The following IGLL5 variants were observed in gnomAD, a reference collection of about 807,000 sequenced individuals.
The protein encoded by IGLL5 is immunoglobulin lambda like polypeptide 5.
A neutral mutation model predicts 20.9 loss-of-function variants in IGLL5; 30 were observed. The observed-to-expected ratio is 1.44, with a 90% confidence interval of 1.07 to 1.95. IGLL5 has a LOEUF of 1.95. Among genes scored for constraint, IGLL5 ranks in the 30% most tolerant of loss-of-function variants. IGLL5 has a pLI of 0.00. For synonymous variants in IGLL5, 203 were observed against 117.3 expected (o/e 1.73, Z -4.72); for missense variants, 475 against 270.7 (o/e 1.75, Z -5.30).
chr22:22,894,755 T>C (rs2066693631), intron 2 of IGLL5, among the ~76,000 whole-genome samples: 1 of 151,202 alleles, frequency 6.6e-6, no homozygotes, highest in Middle Eastern at 3.8e-3. Flanking sequence ...GTGGTCGGGC[T>C]TGTGGAGACA....
At position 22,892,438 on chromosome 22, in the gene IGLL5, T is replaced by G. The variant is rs2067878244; in HGVS notation, c.207-1262T>G. On this transcript the variant is annotated intron_variant, in intron 1 of 2. Transcript: ENST00000526893. ...CATCATAAACTCTTAGAGTGTGACC[T>G]GGGTGTTTTTCTTTTTCTCTGTAGG... is the stretch of plus-strand genomic sequence containing the variant. Among the ~76,000 whole-genome samples, 3 of 151,004 alleles carry G rather than the reference T, an allele frequency of 2.0e-5. No individual in the cohort carries two copies. The South Asian group carries it at 6.3e-4, about 32-fold the overall frequency.
Position 22,888,178 on chromosome 22 carries a change from TG to T in IGLL5, c.127del (p.Val43LeufsTer66). The T allele has an allele frequency of 1.3e-6, 2 of 1,548,816 alleles. No individual in the cohort carries two copies. Among genetic ancestry groups the T allele is most frequent in the South Asian group, 2.4e-5 (2 of 83,940 alleles). ...AMVAHGLLRP[M>X]VAPQSGDPDP... The stretch of plus-strand genomic sequence containing the variant: ...GTCGCCCATGGCCTGCTGCGCCCAA[TG>T]GTTGCACCGCAAAGCGGGGACCCAG... On this transcript the variant is annotated frameshift_variant, in exon 1 of 3. Transcript: ENST00000526893. LOFTEE classifies it high-confidence loss of function.
At position 22,893,822 on chromosome 22, in the gene IGLL5, A is replaced by T. The variant is rs751227003; in HGVS notation, c.325+4A>T. On this transcript the variant is annotated splice_donor_region_variant and intron_variant, in intron 2 of 2. Transcript: ENST00000526893. ...GGGACCAAGGTCACCGTCCTAGGTA[A>T]GTGGCTCTCAACCTTTCCCAGCCTG... is the stretch of plus-strand genomic sequence containing the variant. 2 of 1,585,654 alleles carry T rather than the reference A, an allele frequency of 1.3e-6. No homozygotes were observed. The highest frequency in any genetic ancestry group is 8.7e-7 in the Non-Finnish European group (1 of 1,154,982).
intron 1 of IGLL5, among the ~76,000 whole-genome samples, chr22:22,890,625 T>A (rs2146009610): frequency 6.7e-6 from 1 of 149,578 alleles, no homozygotes; most frequent in African/African-American, 2.5e-5. Context: ...CACTTATATA[T>A]CTCCCCAGGA....
intron 1 of IGLL5, among the ~76,000 whole-genome samples, chr22:22,890,346 G>T (rs2067793209): frequency 1.4e-5 from 2 of 139,356 alleles, no homozygotes; most frequent in South Asian, 4.8e-4. Context: ...CACACACACA[G>T]TTGGTGCTGG....
intron 1 of IGLL5, 80 bp from the exon 2 acceptor site, chr22:22,893,620 T>G: frequency 1.2e-6 from 1 of 807,512 alleles, no homozygotes; most frequent in Non-Finnish European, 2.0e-6. Flanking sequence ...GGGACACCTC[T>G]AGGGGGCTGG....
intron 2 of IGLL5, among the ~76,000 whole-genome samples, chr22:22,894,117 T>C (rs558381243): frequency 1.3e-5 from 2 of 151,390 alleles, no homozygotes; most frequent in South Asian, 2.1e-4. Context: ...CTGGTTCTGA[T>C]GAGGGGCCCT....
In IGLL5 at chr22:22,896,108, C is replaced by T. The variant is rs780442074; in HGVS notation, c.*414C>T. 6.2e-5 allele frequency: 20 copies of T among 323,984 alleles called. No homozygotes were observed. Among genetic ancestry groups the T allele is most frequent in the South Asian group, 1.2e-4 (4 of 33,138 alleles). The allele number at this position is 323,984 out of a possible 1,614,324, so 20.1% of individuals were successfully genotyped here. A position where few individuals can be genotyped will look rare whatever the true frequency, so the allele number is the denominator to read the frequency against. On this transcript the variant is annotated 3_prime_UTR_variant, in exon 3 of 3. Coordinates refer to ENST00000526893, the MANE Select transcript of IGLL5 (RefSeq NM_001178126.2). The stretch of plus-strand genomic sequence containing the variant: ...TCAATAAATACCTGATCATGTAAAA[C>T]GCAGCATTTCTAATGTGCAGTCTCT...
rs2067551529 is a variant in IGLL5, at chr22:22,887,858, A to G, written c.-196A>G. 2 of 618,544 alleles carry G rather than the reference A, an allele frequency of 3.2e-6. No individual in the cohort carries two copies. The highest frequency in any genetic ancestry group is 5.8e-6 in the Non-Finnish European group (2 of 343,338). 38.3% of individuals were successfully genotyped at this position (618,544 alleles called of 1,614,324 possible). ...GTTGGTAGATGCCCCTCTGGGAGAG[A>G]TCCCCAGGGGTGACAGCCATGGACC... On this transcript the variant is annotated 5_prime_UTR_variant, in exon 1 of 3. Transcript: ENST00000526893.
chr22:22,887,843 G>A lies in IGLL5; in HGVS notation c.-211G>A. 1 of 607,462 alleles carries A rather than the reference G, an allele frequency of 1.6e-6. No individual in the cohort carries two copies. Among genetic ancestry groups the A allele is most frequent in the Non-Finnish European group, 3.0e-6 (1 of 338,940 alleles). The allele number at this position is 607,462 out of a possible 1,614,324, so 37.6% of individuals were successfully genotyped here. A position where few individuals can be genotyped will look rare whatever the true frequency, so the allele number is the denominator to read the frequency against. ...GACCGCTTCAGGGCAGTTGGTAGAT[G>A]CCCCTCTGGGAGAGATCCCCAGGGG... is the stretch of plus-strand genomic sequence containing the variant. On this transcript the variant is annotated 5_prime_UTR_variant, in exon 1 of 3. It removes an upstream start codon present in the reference 5' UTR. Transcript: ENST00000526893.
intron 1 of IGLL5, among the ~76,000 whole-genome samples, chr22:22,888,685 C>T (rs2145983740): frequency 2.0e-5 from 3 of 151,376 alleles, no homozygotes; most frequent in Middle Eastern, 3.7e-3. Flanking sequence ...GGGGCCACTC[C>T]CTGGAGAAGG....
intron 2 of IGLL5, among the ~76,000 whole-genome samples, chr22:22,894,460 T>G (rs564011383): frequency 6.6e-6 from 1 of 151,442 alleles, no homozygotes; most frequent in East Asian, 2.0e-4. Flanking sequence ...CCCAGGACAG[T>G]CACCAGAAAG....
intron 2 of IGLL5, among the ~76,000 whole-genome samples, chr22:22,894,618 G>A (rs1340294580): frequency 2.0e-5 from 3 of 151,274 alleles, no homozygotes; most frequent in South Asian, 2.1e-4. Flanking sequence ...TGAATGAGGG[G>A]TGCAGAGAAC....
intron 1 of IGLL5, among the ~76,000 whole-genome samples, chr22:22,889,667 A>C (rs902516781): frequency 6.6e-6 from 1 of 151,310 alleles, no homozygotes; most frequent in African/African-American, 2.4e-5. Flanking sequence ...AGCTCACTGC[A>C]GCCTCAACCT....
Position 22,888,925 on chromosome 22 carries a change from A to C in IGLL5, c.206+666A>C, listed in dbSNP as rs1416701385. ...ACAGATCGAGGGGCACTGGCTGGTG[A>C]TGGGTGCCCCCAAAAGACAGAGCAG... On this transcript the variant is annotated intron_variant, in intron 1 of 2. Transcript: ENST00000526893. Among the ~76,000 whole-genome samples the C allele has an allele frequency of 4.0e-5, 6 of 151,276 alleles. 1 individual carries two copies. Among genetic ancestry groups the C allele is most frequent in the South Asian group, 2.1e-4 (1 of 4,756 alleles).
chr22:22,888,145 T>C lies in IGLL5; in HGVS notation c.92T>C (p.Leu31Pro), dbSNP rs552972168. Residue 31 changes from leucine (L) to proline (P), a missense_variant, in exon 1 of 3, where the codon CTG becomes CCG. By Grantham distance (98) the Leu-to-Pro change is moderately conservative. Coordinates refer to ENST00000526893, the MANE Select transcript of IGLL5 (RefSeq NM_001178126.2). Reference sequence around the variant, plus strand: ...CGCTGGCCCCTGCTGCTGCTGGGTCTGGCCATGGTCGCCCATGGCCTGCTG... The same window carrying C: ...CGCTGGCCCCTGCTGCTGCTGGGTCCGGCCATGGTCGCCCATGGCCTGCTG... ...RQRWPLLLLG[L>P]AMVAHGLLRP... is the part of the protein sequence containing the mutation. 3.2e-6 allele frequency: 5 copies of C among 1,549,590 alleles called. No individual in the cohort carries two copies. The highest frequency in any genetic ancestry group is 3.9e-5 in the Admixed American group (2 of 50,836).
At chr22:22,894,842 G>C (rs536644148) in intron 2 of IGLL5, among the ~76,000 whole-genome samples, 5 of 151,456 alleles carry the variant, frequency 3.3e-5, no homozygotes, top group African/African-American at 1.2e-4. Context: ...GAGCCAAGTG[G>C]GCTGGGCTGG....
At chr22:22,889,902 T>G in intron 1 of IGLL5, among the ~76,000 whole-genome samples, 1 of 151,332 alleles carries the variant, frequency 6.6e-6, no homozygotes, top group East Asian at 2.0e-4. Flanking sequence ...GACCCAACTG[T>G]GTTTTTAAAG....
At position 22,892,880 on chromosome 22, in the gene IGLL5, GGA is replaced by G. The variant is rs534198545; in HGVS notation, c.207-816_207-815del. ...TGGTAGAAAGGGAAGCCAAGGAGGA[GGA>G]GAGGGGGCAGTCTCAGACACCAAGG... On this transcript the variant is annotated intron_variant, in intron 1 of 2. Transcript: ENST00000526893. 4.0e-5 allele frequency among the ~76,000 whole-genome samples: 6 copies of G among 151,200 alleles called. No individual in the cohort carries two copies. In the South Asian group the frequency reaches 1.3e-3, roughly 32 times the overall value.
Sources: allele counts gnomAD v4.1 joint callset (sites outside exome capture counted in the v4.1 genomes callset), GRCh38; gene constraint gnomAD v4.1.1; transcripts MANE v1.5; gene names NCBI Gene and HGNC (gene_info 2026-07-23, HGNC 2026-07-21).